The following PRSS3 variants were observed in gnomAD, a reference collection of about 807,000 sequenced individuals.
The protein encoded by PRSS3 is serine protease 3.
In PRSS3, 14 loss-of-function variants were observed where a neutral mutation model predicts 20.8. That is an observed-to-expected ratio of 0.67 (90% CI 0.44 to 1.05). The LOEUF is 1.05. PRSS3 is among the 50% of genes least tolerant of loss of function. The probability of loss-of-function intolerance (pLI) is 0.00; values close to 1 mark genes in which losing one functional copy is unlikely to be tolerated. For missense variants in PRSS3, 237 were observed against 306.4 expected (o/e 0.77, Z 1.69); for synonymous variants, 91 against 117.6 (o/e 0.77, Z 1.46).
chr9:33,788,772 G>A (rs1824514300), intron 1 of PRSS3, among the ~76,000 whole-genome samples: 1 of 152,146 alleles, frequency 6.6e-6, no homozygotes. Context: ...ATGGCCAGAA[G>A]TATAGCTATA....
chr9:33,777,531 CAAAAA>C (rs74180503), intron 1 of PRSS3, among the ~76,000 whole-genome samples: 4 of 101,860 alleles, frequency 3.9e-5, no homozygotes, highest in Admixed American at 1.1e-4. Context: ...CTAAAAATAC[CAAAAA>C]AAAAAAAAAA....
At chr9:33,761,439 G>T (rs866592701) in intron 1 of PRSS3, among the ~76,000 whole-genome samples, 2 of 152,160 alleles carry the variant, frequency 1.3e-5, no homozygotes, top group African/African-American at 2.4e-5. Flanking sequence ...AGGTGCAGTG[G>T]CTTACACCTG....
At position 33,799,154 on chromosome 9, in the gene PRSS3, A is replaced by T. The variant is rs750746045; in HGVS notation, c.718A>T (p.Lys240Ter). The change falls in exon 5 of 5, where the codon AAG becomes TAG. Residue 240 changes from lysine to a stop codon, truncating the protein, a stop_gained. Transcript: ENST00000379405. LOFTEE classifies it high-confidence loss of function. ...GGTCTACAACTATGTGGACTGGATT[A>T]AGGACACCATCGCTGCCAACAGCTA... ...TKVYNYVDWI[K>*]DTIAANS is the part of the protein sequence containing the mutation. 1 of 1,614,162 alleles carries T rather than the reference A, an allele frequency of 6.2e-7. No individual in the cohort carries two copies. Among genetic ancestry groups the T allele is most frequent in the South Asian group, 1.1e-5 (1 of 91,080 alleles).
chr9:33,757,159 G>A (rs760546065), intron 1 of PRSS3, among the ~76,000 whole-genome samples: 28 of 152,196 alleles, frequency 1.8e-4, no homozygotes, highest in Non-Finnish European at 1.0e-4. Flanking sequence ...AGGTGGATAG[G>A]TGGAGGTCTA....
intron 1 of PRSS3, among the ~76,000 whole-genome samples, chr9:33,781,532 A>G (rs973421016): frequency 6.6e-6 from 1 of 152,168 alleles, no homozygotes; most frequent in Non-Finnish European, 1.5e-5. Flanking sequence ...ACTTGAGGGG[A>G]AGAGAGAGGG....
At chr9:33,789,242 T>C (rs1824530872) in intron 1 of PRSS3, among the ~76,000 whole-genome samples, 1 of 152,210 alleles carries the variant, frequency 6.6e-6, no homozygotes, top group South Asian at 2.1e-4. Context: ...ATTCTTTAAA[T>C]ACTGGAGTAA....
chr9:33,778,969 T>C (rs1247941052), intron 1 of PRSS3, among the ~76,000 whole-genome samples: 2 of 152,198 alleles, frequency 1.3e-5, no homozygotes, highest in Non-Finnish European at 2.9e-5. Context: ...ACTACCACAC[T>C]AAAATTATCA....
intron 1 of PRSS3, among the ~76,000 whole-genome samples, chr9:33,774,806 T>C (rs1823850360): frequency 6.6e-6 from 1 of 151,796 alleles, no homozygotes; most frequent in Non-Finnish European, 1.5e-5. Context: ...ACCAACATGG[T>C]GAAACCCTGC....
intron 1 of PRSS3, among the ~76,000 whole-genome samples, chr9:33,774,388 G>T (rs1408495601): frequency 2.6e-5 from 4 of 152,134 alleles, no homozygotes; most frequent in Admixed American, 6.5e-5. Flanking sequence ...TGCAGGCCCT[G>T]CTGTCCACTG....
chr9:33,797,169 G>C lies in PRSS3; in HGVS notation c.200+367G>C, dbSNP rs1187537687. On this transcript the variant is annotated intron_variant, in intron 2 of 4. Coordinates refer to ENST00000379405, the MANE Select transcript of PRSS3 (RefSeq NM_002771.4). ...AGGAAGACAGTGTGAATACCAGTGA[G>C]TATTTAACACTCTACCTCTGGTAAC... Among the ~76,000 whole-genome samples the C allele has an allele frequency of 2.6e-5, 4 of 152,132 alleles. No homozygotes were observed. In the East Asian group the frequency reaches 7.7e-4, roughly 29 times the overall value.
At chr9:33,794,642 G>A (rs908228226), upstream of PRSS3, 1 of 1,385,902 alleles carries the variant, frequency 7.2e-7, no homozygotes, top group African/African-American at 1.5e-5. Context: ...TGGTAACCCA[G>A]ATTTACCATG....
chr9:33,765,396 T>C (rs893772610), intron 1 of PRSS3, among the ~76,000 whole-genome samples: 1 of 152,244 alleles, frequency 6.6e-6, no homozygotes, highest in African/African-American at 2.4e-5. Flanking sequence ...TCATTTTTAC[T>C]GTAGATCTTA....
intron 1 of PRSS3, chr9:33,786,726 T>C: frequency 2.6e-6 from 2 of 766,226 alleles, no homozygotes; most frequent in Non-Finnish European, 4.8e-6. Flanking sequence ...AGATTTGTCA[T>C]TGACAAGTTT....
chr9:33,759,493 G>A (rs1307195692), intron 1 of PRSS3, among the ~76,000 whole-genome samples: 1 of 152,154 alleles, frequency 6.6e-6, no homozygotes, highest in African/African-American at 2.4e-5. Context: ...TGGGGGCAAT[G>A]GTGAGGGGAG....
chr9:33,776,347 G>GA (rs1563961842), intron 1 of PRSS3, among the ~76,000 whole-genome samples: 1 of 151,926 alleles, frequency 6.6e-6, no homozygotes, highest in Non-Finnish European at 1.5e-5. Flanking sequence ...AAAAGGGAGA[G>GA]AAAAAAATAT....
chr9:33,759,081 A>G (rs1004689384), intron 1 of PRSS3, among the ~76,000 whole-genome samples: 1 of 152,184 alleles, frequency 6.6e-6, no homozygotes, highest in African/African-American at 2.4e-5. Context: ...AGGCCTAAAA[A>G]CAGAAACCAA....
chr9:33,791,310 C>T, upstream of PRSS3, among the ~76,000 whole-genome samples: 1 of 152,256 alleles, frequency 6.6e-6, no homozygotes, highest in South Asian at 2.1e-4. Flanking sequence ...TGTGCTGGTG[C>T]CTGTGTGGAT....
chr9:33,774,563 A>G (rs1823838732), intron 1 of PRSS3, among the ~76,000 whole-genome samples: 2 of 152,238 alleles, frequency 1.3e-5, no homozygotes, highest in South Asian at 4.1e-4. Flanking sequence ...CAATTTTGAC[A>G]TACATTTGCA....
intron 1 of PRSS3, among the ~76,000 whole-genome samples, chr9:33,787,171 C>T (rs778572092): frequency 2.0e-5 from 3 of 152,088 alleles, no homozygotes; most frequent in Non-Finnish European, 4.4e-5. Context: ...TCAGTAATAG[C>T]CTTTAACTGT....
Sources: allele counts gnomAD v4.1 joint callset (sites outside exome capture counted in the v4.1 genomes callset), GRCh38; gene constraint gnomAD v4.1.1; transcripts MANE v1.5; gene names NCBI Gene and HGNC (gene_info 2026-07-23, HGNC 2026-07-21).